COL3A1: variants seen among roughly 807,000 people sequenced by gnomAD.
COL3A1 encodes the protein collagen type III alpha 1 chain, also known as collagen alpha-1(III) chain.
A neutral mutation model predicts 200.9 loss-of-function variants in COL3A1; 46 were observed. The ratio of observed to expected loss-of-function variants is 0.23; its 90% CI spans 0.18 to 0.29. COL3A1 has a LOEUF of 0.29. COL3A1 is among the 10% of genes least tolerant of loss of function. The pLI, the probability that COL3A1 is intolerant of heterozygous loss-of-function variation, is 1.00. For synonymous variants in COL3A1, 650 were observed against 628.0 expected (o/e 1.03, Z -0.52); for missense variants, 1,367 against 1,917.6 (o/e 0.71, Z 5.36).
intron 1 of COL3A1, among the ~76,000 whole-genome samples, chr2:188,980,674 A>G (rs1206434216): frequency 6.6e-6 from 1 of 150,934 alleles, no homozygotes; most frequent in Non-Finnish European, 1.5e-5. Context: ...TAGAATGTCT[A>G]CAGATACTTT....
chr2:188,989,537 G>GAA, intron 8 of COL3A1, 88 bp downstream of exon 8: 3 of 945,902 alleles, frequency 3.2e-6, no homozygotes, highest in Admixed American at 2.5e-5. Context: ...AATCCCAGAA[G>GAA]AAAAAAAAAT....
At chr2:189,008,179 C>T in intron 47 of COL3A1, 37 bp downstream of exon 47, 1 of 1,539,140 alleles carries the variant, frequency 6.5e-7, no homozygotes, top group Non-Finnish European at 8.9e-7. Context: ...ATTTAATTTG[C>T]TACAATCTTC....
At position 188,994,845 on chromosome 2, in the gene COL3A1, G is replaced by C; in HGVS notation, c.1455+14G>C. The C allele has an allele frequency of 1.9e-6, 3 of 1,611,914 alleles. No individual in the cohort carries two copies. The highest frequency in any genetic ancestry group is 2.5e-6 in the Non-Finnish European group (3 of 1,179,064). ...GCAGGAGAAAGGGTACGTTTTCCAT[G>C]GGGCATCTAAAAGAAAAGCAGCATC... On this transcript the variant is annotated intron_variant, in intron 20 of 50. Coordinates refer to ENST00000304636, the MANE Select transcript of COL3A1 (RefSeq NM_000090.4). This position sits in a 1 kb window ranked among gnomAD's most constrained non-coding sequence, Gnocchi z 4.5.
At chr2:188,975,346 G>GT (rs1687786692) in intron 1 of COL3A1, among the ~76,000 whole-genome samples, 3 of 152,222 alleles carry the variant, frequency 2.0e-5, no homozygotes, top group South Asian at 4.1e-4. Context: ...TCAGAAAGCT[G>GT]TTTTGCTATA....
At chr2:189,001,217 T>C (rs1345481004) in intron 32 of COL3A1, among the ~76,000 whole-genome samples, 180 bp from the exon 33 acceptor site, 2 of 152,190 alleles carry the variant, frequency 1.3e-5, no homozygotes, top group Admixed American at 6.5e-5. Flanking sequence ...GAGGCTTGTG[T>C]TTACTGAGCT....
At chr2:188,996,088 A>G (rs1359323290) in intron 22 of COL3A1, 37 bp from the exon 23 acceptor site, 1 of 1,599,020 alleles carries the variant, frequency 6.3e-7, no homozygotes, top group Non-Finnish European at 8.6e-7. Flanking sequence ...TTATTATTTC[A>G]TTTTAAATCA....
intron 33 of COL3A1, 24 bp downstream of exon 33, chr2:189,001,474 A>G: frequency 6.2e-7 from 1 of 1,614,090 alleles, no homozygotes; most frequent in South Asian, 1.1e-5. Context: ...CTACCTGGAT[A>G]TAAAAAGAAA....
At chr2:189,007,029 CT>C (rs1209474930) in intron 44 of COL3A1, 39 bp downstream of exon 44, 1 of 1,539,820 alleles carries the variant, frequency 6.5e-7, no homozygotes, top group Non-Finnish European at 8.8e-7. Context: ...TTGTTTTGTT[CT>C]TTTTTTAACT....
chr2:188,995,788 A>G lies in COL3A1; in HGVS notation c.1606A>G (p.Arg536Gly), dbSNP rs1251091868. 3.2e-6 allele frequency: 5 copies of G among 1,556,388 alleles called. No individual in the cohort carries two copies. The Admixed American group carries it at 7.7e-5, about 24-fold the overall frequency. Residue 536 changes from arginine (R) to glycine (G), a missense_variant and splice_region_variant, in exon 22 of 51, where the codon AGG (arginine) becomes GGG (glycine). Around this residue, in one of 5 missense-constraint regions of COL3A1, gnomAD observed 462 missense variants for 681.4 expected, o/e 0.68. Transcript: ENST00000304636. The stretch of plus-strand genomic sequence containing the variant: ...TGGCGTCCCTGGAGGTCCAGGAATG[A>G]GGGTACAGAGAAACATTTGTTTGAA... ...RDGVPGGPGM[R>G]GMPGSPGGPG...
chr2:189,007,051 T>G, intron 44 of COL3A1, 61 bp downstream of exon 44: 1 of 1,314,832 alleles, frequency 7.6e-7, no homozygotes, highest in African/African-American at 1.5e-5. Context: ...CATTCTACAG[T>G]GTAGGAAATA....
intron 49 of COL3A1, 79 bp downstream of exon 49, chr2:189,010,444 A>C: frequency 1.3e-6 from 2 of 1,561,150 alleles, no homozygotes; most frequent in Non-Finnish European, 1.8e-6. Flanking sequence ...TCACAAAGCA[A>C]AGTTACTAGG....
rs771292385 is a variant in COL3A1 at position 188,992,195 on chromosome 2, T to C, written c.963T>C (p.Gly321=). 6.2e-7 allele frequency: 1 copy of C among 1,613,962 alleles called. No homozygotes were observed. Among genetic ancestry groups the C allele is most frequent in the Non-Finnish European group, 8.5e-7 (1 of 1,179,936 alleles). ...PGLPGAAGAR[G]NDGARGSDGQ... ...ACTTCTCTTTTTAGGGTGCTCGGGG[T>C]AATGACGGTGCTCGAGGCAGTGATG... Residue 321 remains glycine, a synonymous_variant, in exon 14 of 51, where the codon GGT becomes GGC. Coordinates refer to ENST00000304636, the MANE Select transcript of COL3A1 (RefSeq NM_000090.4).
intron 41 of COL3A1, chr2:189,005,702 T>C: frequency 2.0e-6 from 1 of 506,464 alleles, no homozygotes; most frequent in Non-Finnish European, 3.6e-6. Flanking sequence ...AGGAAAAAAG[T>C]TAGTGGGGAG....
chr2:188,998,766 A>G (rs1398691583), intron 29 of COL3A1, 48 bp downstream of exon 29: 1 of 1,543,412 alleles, frequency 6.5e-7, no homozygotes, highest in Admixed American at 1.7e-5. Flanking sequence ...TTATAGAGCA[A>G]TTGATTAGTA....
At chr2:188,987,229 T>G in intron 5 of COL3A1, 90 bp downstream of exon 5, 1 of 1,092,680 alleles carries the variant, frequency 9.2e-7, no homozygotes, top group Non-Finnish European at 1.4e-6. Context: ...GAATTCAGTA[T>G]TTTTATGGAA....
At chr2:188,997,248 C>G (rs916472022) in intron 25 of COL3A1, 30 bp downstream of exon 25, 2 of 1,613,612 alleles carry the variant, frequency 1.2e-6, no homozygotes, top group Admixed American at 1.7e-5. Flanking sequence ...TTATTTCTAG[C>G]CTTCTAATAG....
Position 188,984,739 on chromosome 2 carries a change from G to A in COL3A1, c.80-21G>A, listed in dbSNP as rs28763874. On this transcript the variant is annotated intron_variant, in intron 1 of 50. Transcript: ENST00000304636. ...TCAGCAAAACCTAAGGAAACTTCAC[G>A]TCATCTAACTTGTTTTTCAGCTGTT... 2,824 of 1,610,428 alleles carry A rather than the reference G, an allele frequency of 1.8e-3. 61 individuals are homozygous for A. In the African/African-American group the frequency reaches 0.033, roughly 19 times the overall value.
chr2:188,978,903 G>A (rs1285715743), intron 1 of COL3A1, among the ~76,000 whole-genome samples: 1 of 151,912 alleles, frequency 6.6e-6, no homozygotes, highest in Non-Finnish European at 1.5e-5. Context: ...AACTGCAGTT[G>A]GGGGAGTTAC....
chr2:189,010,969 T>G lies in COL3A1; in HGVS notation c.4254+79T>G, dbSNP rs3768660. 0.27 allele frequency: 410,066 copies of G among 1,532,840 alleles called. 56,273 individuals carry two copies. The highest frequency in any genetic ancestry group is 0.44 in the African/African-American group (32,500 of 73,110). The allele number at this position is 1,532,840 out of a possible 1,614,324, so 95.0% of individuals were successfully genotyped here. A position where few individuals can be genotyped will look rare whatever the true frequency, so the allele number is the denominator to read the frequency against. On this transcript the variant is annotated intron_variant, in intron 50 of 50. Transcript: ENST00000304636. ...ATCATGCAAATTATTTTGAATAGAA[T>G]AAATAAAATTAATAGGATGAAATAA...
Sources: gnomAD v4.1 joint callset for allele counts (sites outside exome capture counted in the v4.1 genomes callset) on GRCh38, gnomAD v4.1.1 for gene constraint, gnomAD v4.1.1 regional missense constraint, Gnocchi (gnomAD v3.1) non-coding constraint, MANE v1.5 for transcripts, NCBI Gene and HGNC (gene_info 2026-07-23, HGNC 2026-07-21) for gene names.